FAM83B: variants seen among roughly 807,000 people sequenced by gnomAD.
The protein encoded by FAM83B is protein FAM83B.
Under a neutral mutation model 38.8 loss-of-function variants are expected in FAM83B, and 26 were observed. The ratio of observed to expected loss-of-function variants is 0.67; its 90% confidence interval spans 0.49 to 0.93. The LOEUF is 0.93. Among genes scored for constraint, FAM83B ranks in the 40% least tolerant of loss-of-function variants. The probability of loss-of-function intolerance (pLI) is 0.00; values close to 1 mark genes in which losing one functional copy is unlikely to be tolerated. For synonymous variants in FAM83B, 419 were observed against 423.1 expected, an observed-to-expected ratio of 0.99 and a Z score of 0.12; for missense variants, 1,237 against 1,197.3, an observed-to-expected ratio of 1.03 and a Z score of -0.49.
intron 1 of FAM83B, among the ~76,000 whole-genome samples, chr6:54,862,791 G>A (rs1452463731): frequency 6.6e-6 from 1 of 151,954 alleles, no homozygotes; most frequent in Non-Finnish European, 1.5e-5. Context: ...GGCTGAGGTA[G>A]GAGAATCACT....
intron 2 of FAM83B, among the ~76,000 whole-genome samples, chr6:54,901,237 T>C (rs1772653796): frequency 6.6e-6 from 1 of 152,168 alleles, no homozygotes; most frequent in Admixed American, 6.5e-5. Context: ...TCTTAATACA[T>C]CTACCATGTG....
Position 54,915,812 on chromosome 6 carries a change from C to CAAAAAAAAA in FAM83B, c.445-10542_445-10534dup, listed in dbSNP as rs58597609. 2.1e-3 allele frequency among the ~76,000 whole-genome samples: 38 copies of CAAAAAAAAA among 18,032 alleles called. 2 individuals carry two copies. Among genetic ancestry groups the CAAAAAAAAA allele is most frequent in the African/African-American group, 7.3e-3 (31 of 4,250 alleles). 11.8% of individuals were successfully genotyped at this position (18,032 alleles called of 152,430 possible). Reference sequence around the variant, plus strand: ...TGGGCGACAGAGCGAGACTCCGTCTCAAAAAAAAAAAAAAAAAAAAAAAAA... The same window carrying CAAAAAAAAA: ...TGGGCGACAGAGCGAGACTCCGTCTCAAAAAAAAAAAAAAAAAAAAAAAAAAAAAAAAAA... On this transcript the variant is annotated intron_variant, in intron 2 of 4. Coordinates refer to ENST00000306858, the MANE Select transcript of FAM83B (RefSeq NM_001010872.3).
chr6:54,935,864 T>A (rs139550978), intron 4 of FAM83B, among the ~76,000 whole-genome samples: 1 of 152,088 alleles, frequency 6.6e-6, no homozygotes, highest in African/African-American at 2.4e-5. Flanking sequence ...GATGACTGCT[T>A]GTTTCCTGTC....
At position 54,941,244 on chromosome 6, in the gene FAM83B, A is replaced by G. The variant is rs1433413480; in HGVS notation, c.2273A>G (p.Lys758Arg). 1.2e-6 allele frequency: 2 copies of G among 1,613,534 alleles called. No homozygotes were observed. Among genetic ancestry groups the G allele is most frequent in the East Asian group, 4.5e-5 (2 of 44,860 alleles). Reference protein sequence around the residue: ...KEESNKELASKKEVKGSPSFL... With the variant: ...KEESNKELASRKEVKGSPSFL... ...GAATCTAACAAAGAACTTGCTTCAA[A>G]GAAGGAAGTTAAGGGTTCCCCAAGT... The change falls in exon 5 of 5, where the codon AAG (lysine) becomes AGG (arginine). Residue 758 changes from lysine to arginine, a missense_variant. Lys to Arg is a conservative substitution (Grantham distance 26, BLOSUM62 2). Coordinates refer to ENST00000306858, the MANE Select transcript of FAM83B (RefSeq NM_001010872.3).
rs375656804 is a variant in FAM83B at position 54,924,400 on chromosome 6, CA to C, written c.445-1968del. Among the ~76,000 whole-genome samples the C allele has an allele frequency of 3.0e-3, 450 of 151,274 alleles. 4 individuals carry two copies. Among genetic ancestry groups the C allele is most frequent in the African/African-American group, 0.01 (414 of 41,134 alleles). The stretch of plus-strand genomic sequence containing the variant: ...CAATTTCTCTGCTTCCTATTGTAGC[CA>C]AATTACACAAAAATAGTTTTCTGTA... On this transcript the variant is annotated intron_variant, in intron 2 of 4. Coordinates refer to ENST00000306858, the MANE Select transcript of FAM83B (RefSeq NM_001010872.3).
chr6:54,914,235 T>G (rs1453512410), intron 2 of FAM83B, among the ~76,000 whole-genome samples: 1 of 152,172 alleles, frequency 6.6e-6, no homozygotes, highest in African/African-American at 2.4e-5. Flanking sequence ...TGTGAAAAAC[T>G]AGAATTTATT....
chr6:54,858,293 T>C (rs1356021678), intron 1 of FAM83B, among the ~76,000 whole-genome samples: 1 of 152,212 alleles, frequency 6.6e-6, no homozygotes, highest in Non-Finnish European at 1.5e-5. Context: ...TTCCCCCACC[T>C]ATCCGACATT....
chr6:54,923,323 T>C (rs1773214229), intron 2 of FAM83B, among the ~76,000 whole-genome samples: 1 of 152,068 alleles, frequency 6.6e-6, no homozygotes, highest in East Asian at 1.9e-4. Flanking sequence ...ACATCTTCTC[T>C]CCTTTCTATA....
chr6:54,899,238 A>C (rs1772603673), intron 2 of FAM83B, among the ~76,000 whole-genome samples: 1 of 152,166 alleles, frequency 6.6e-6, no homozygotes, highest in African/African-American at 2.4e-5. Context: ...TTATTTTTGA[A>C]GGGTGTTACA....
chr6:54,868,711 A>C (rs1771774301), intron 1 of FAM83B, among the ~76,000 whole-genome samples: 1 of 152,162 alleles, frequency 6.6e-6, no homozygotes, highest in African/African-American at 2.4e-5. Context: ...GGAGCCTAGG[A>C]TCCAGGTATA....
At chr6:54,927,151 G>A (rs1773309273) in intron 3 of FAM83B, among the ~76,000 whole-genome samples, 1 of 152,038 alleles carries the variant, frequency 6.6e-6, no homozygotes, top group Non-Finnish European at 1.5e-5. Flanking sequence ...TTGCTTATTA[G>A]AATCATTTCA....
intron 2 of FAM83B, among the ~76,000 whole-genome samples, chr6:54,888,316 A>G (rs1772326909): frequency 6.8e-6 from 1 of 146,804 alleles, no homozygotes. Flanking sequence ...ATATATACAT[A>G]TTCACTTTAG....
At chr6:54,923,369 C>T (rs967391714) in intron 2 of FAM83B, among the ~76,000 whole-genome samples, 2 of 151,994 alleles carry the variant, frequency 1.3e-5, no homozygotes, top group African/African-American at 4.8e-5. Context: ...ATTTCAGCCA[C>T]TCCATATTAT....
At chr6:54,850,954 C>G (rs535531400) in intron 1 of FAM83B, among the ~76,000 whole-genome samples, 181 of 143,600 alleles carry the variant, frequency 1.3e-3, no homozygotes, top group Non-Finnish European at 2.3e-3. Flanking sequence ...GGAGGCAGAG[C>G]TTGCAGTGAG....
intron 2 of FAM83B, among the ~76,000 whole-genome samples, chr6:54,901,678 G>A (rs239841): frequency 6.6e-6 from 1 of 151,922 alleles, no homozygotes; most frequent in African/African-American, 2.4e-5. Context: ...GAAGTTATGC[G>A]GTCAAGGTAC....
chr6:54,931,583 A>C (rs1309778583), intron 4 of FAM83B, among the ~76,000 whole-genome samples: 1 of 151,968 alleles, frequency 6.6e-6, no homozygotes, highest in African/African-American at 2.4e-5. Context: ...ATTTTAATTT[A>C]AAGCCTGTTT....
At chr6:54,912,464 AATC>A (rs1772932483) in intron 2 of FAM83B, among the ~76,000 whole-genome samples, 1 of 151,162 alleles carries the variant, frequency 6.6e-6, no homozygotes, top group East Asian at 1.9e-4. Context: ...GTGAGATTTT[AATC>A]ATTACTTGAA....
intron 2 of FAM83B, among the ~76,000 whole-genome samples, chr6:54,901,036 T>A (rs1772650013): frequency 6.6e-6 from 1 of 152,224 alleles, no homozygotes; most frequent in African/African-American, 2.4e-5. Context: ...AAAAATGTTG[T>A]GTTACTGACA....
intron 2 of FAM83B, among the ~76,000 whole-genome samples, chr6:54,919,501 C>T (rs532419715): frequency 1.3e-5 from 2 of 151,956 alleles, no homozygotes; most frequent in South Asian, 4.2e-4. Context: ...CTAGATTTTT[C>T]CCCCCACTTT....
Sources: gnomAD v4.1 joint callset for allele counts (sites outside exome capture counted in the v4.1 genomes callset) on GRCh38, gnomAD v4.1.1 for gene constraint, MANE v1.5 for transcripts, NCBI Gene and HGNC (gene_info 2026-07-23, HGNC 2026-07-21) for gene names.